Variants in LARP1 observed in about 807,000 individuals in gnomAD.
LARP1 encodes the protein La ribonucleoprotein 1, translational regulator, also known as la-related protein 1.
Under a neutral mutation model 122.7 loss-of-function variants are expected in LARP1, and 36 were observed. That is an observed-to-expected ratio of 0.29 (90% CI 0.22 to 0.39). The LOEUF is 0.39. LARP1 is among the 10% of genes least tolerant of loss of function. LARP1 has a pLI of 1.00. For synonymous variants in LARP1, 539 were observed against 528.7 expected, an observed-to-expected ratio of 1.02 and a Z score of -0.27; for missense variants, 1,040 against 1,403.6, an observed-to-expected ratio of 0.74 and a Z score of 4.14.
chr5:154,783,626 G>T (rs1228985408), intron 1 of LARP1, among the ~76,000 whole-genome samples: 1 of 152,078 alleles, frequency 6.6e-6, no homozygotes. Context: ...TGTTATCTTG[G>T]CAAATAACCT....
intron 1 of LARP1, among the ~76,000 whole-genome samples, chr5:154,789,665 AAAT>A (rs1392810631): frequency 1.3e-5 from 2 of 152,210 alleles, no homozygotes; most frequent in Non-Finnish European, 2.9e-5. Flanking sequence ...TTGAAGTTAT[AAAT>A]AATATTTTAG....
intron 1 of LARP1, among the ~76,000 whole-genome samples, chr5:154,762,161 C>G (rs1463952067): frequency 6.6e-6 from 1 of 152,042 alleles, no homozygotes; most frequent in Non-Finnish European, 1.5e-5. Flanking sequence ...GAGAATTGCT[C>G]GAACCGGGGA....
rs1272303852 is a variant in LARP1, at chr5:154,796,157, A to T, written c.1377+838A>T. ...TTATATATTTATATATTATATATAT[A>T]TTTTATGTATTTATATATTATATAT... is the stretch of plus-strand genomic sequence containing the variant. On this transcript the variant is annotated intron_variant, in intron 8 of 18. Transcript: ENST00000518297. 9.3e-5 allele frequency among the ~76,000 whole-genome samples: 11 copies of T among 118,784 alleles called. No individual in the cohort carries two copies. In the South Asian group the frequency reaches 1.9e-3, roughly 20 times the overall value. The allele number at this position is 118,784 out of a possible 152,430, so 77.9% of individuals were successfully genotyped here.
At chr5:154,713,052 G>A (rs781082989) in exon 1 of LARP1, 4 of 1,614,212 alleles carry the variant, frequency 2.5e-6, no homozygotes, top group East Asian at 4.5e-5. Context: ...GGCCTTGGCA[G>A]CTGCCCCGAG....
intron 1 of LARP1, among the ~76,000 whole-genome samples, chr5:154,746,091 C>A (rs981942563): frequency 6.6e-6 from 1 of 152,226 alleles, no homozygotes; most frequent in African/African-American, 2.4e-5. Flanking sequence ...AGCCACCGCA[C>A]CTGGCCTAAA....
chr5:154,796,828 T>C (rs1757899995), intron 8 of LARP1, among the ~76,000 whole-genome samples: 1 of 152,240 alleles, frequency 6.6e-6, no homozygotes, highest in African/African-American at 2.4e-5. Flanking sequence ...ATGTTTGATC[T>C]TCCTCCCTTT....
At chr5:154,731,494 C>G (rs1756565162) in intron 1 of LARP1, among the ~76,000 whole-genome samples, 1 of 152,140 alleles carries the variant, frequency 6.6e-6, no homozygotes, top group Non-Finnish European at 1.5e-5. Context: ...AGAAGGAGCA[C>G]AGTACCTTTC....
At chr5:154,720,080 A>T (rs747044720) in intron 1 of LARP1, among the ~76,000 whole-genome samples, 4 of 152,030 alleles carry the variant, frequency 2.6e-5, no homozygotes, top group African/African-American at 9.7e-5. Context: ...AGTCCCAGCT[A>T]CTTGGGAGAC....
intron 3 of LARP1, among the ~76,000 whole-genome samples, chr5:154,790,941 C>T (rs1334833543): frequency 6.6e-6 from 1 of 151,822 alleles, no homozygotes; most frequent in African/African-American, 2.4e-5. Flanking sequence ...CCCCAGCCTC[C>T]CGAGTAGCTG....
Position 154,803,880 on chromosome 5 carries a change from G to A in LARP1, c.2439+135G>A. Reference sequence around the variant, plus strand: ...ACCTGCTCTGTGTTCTGAGGCTGGTGGGCTTACCTAGGATTAGGTAGCCAC... The same window carrying A: ...ACCTGCTCTGTGTTCTGAGGCTGGTAGGCTTACCTAGGATTAGGTAGCCAC... On this transcript the variant is annotated intron_variant, in intron 13 of 18. Coordinates refer to ENST00000518297, the MANE Select transcript of LARP1 (RefSeq NM_033551.3). The surrounding 1 kb of genome is among the most constrained non-coding windows in gnomAD (Gnocchi z 4.4). 1 of 969,758 alleles carries A rather than the reference G, an allele frequency of 1.0e-6. No individual in the cohort carries two copies. Among genetic ancestry groups the A allele is most frequent in the Non-Finnish European group, 1.6e-6 (1 of 641,306 alleles). The allele number at this position is 969,758 out of a possible 1,614,324, so 60.1% of individuals were successfully genotyped here. A position where few individuals can be genotyped will look rare whatever the true frequency, so the allele number is the denominator to read the frequency against.
Position 154,755,550 on chromosome 5 carries a change from C to A in LARP1, c.-208C>A. The A allele has an allele frequency of 1.0e-6, 1 of 987,186 alleles. No homozygotes were observed. Among genetic ancestry groups the A allele is most frequent in the Non-Finnish European group, 1.2e-6 (1 of 829,938 alleles). The allele number at this position is 987,186 out of a possible 1,614,324, so 61.2% of individuals were successfully genotyped here. ...GACTGCAGAGTGGGGGGCCTTCCTC[C>A]CCCCCCGCCCCGCTAGTGGGCCTCG... is the stretch of plus-strand genomic sequence containing the variant. On this transcript the variant is annotated 5_prime_UTR_variant, in exon 1 of 19. Coordinates refer to ENST00000518297, the MANE Select transcript of LARP1 (RefSeq NM_033551.3).
intron 8 of LARP1, 144 bp from the exon 9 acceptor site, chr5:154,799,447 C>T (rs1184771619): frequency 1.4e-5 from 11 of 767,072 alleles, no homozygotes; most frequent in East Asian, 5.0e-5. Context: ...ATCTACCAGT[C>T]GTGGAAGATG....
chr5:154,697,950 C>G (rs1273553181), intron 1 of LARP1, among the ~76,000 whole-genome samples: 1 of 152,046 alleles, frequency 6.6e-6, no homozygotes, highest in Non-Finnish European at 1.5e-5. Flanking sequence ...CTCAGTCTCC[C>G]AAGTAGCTGA....
At chr5:154,717,595 C>T (rs1755588079) in intron 1 of LARP1, among the ~76,000 whole-genome samples, 1 of 152,200 alleles carries the variant, frequency 6.6e-6, no homozygotes, top group South Asian at 2.1e-4. Context: ...TATTCACTCT[C>T]TGTCACCATC....
At chr5:154,747,894 T>A (rs1252700218) in intron 1 of LARP1, among the ~76,000 whole-genome samples, 1 of 152,096 alleles carries the variant, frequency 6.6e-6, no homozygotes, top group Non-Finnish European at 1.5e-5. Flanking sequence ...TCTCCCTTTG[T>A]CACCCAGGTT....
intron 1 of LARP1, among the ~76,000 whole-genome samples, chr5:154,697,345 ATCCTG>A (rs2113231662): frequency 6.6e-6 from 1 of 152,052 alleles, no homozygotes; most frequent in Non-Finnish European, 1.5e-5. Flanking sequence ...CCTTTCACAC[ATCCTG>A]TCAGCATAAG....
At chr5:154,763,661 T>G (rs1299025188) in intron 1 of LARP1, among the ~76,000 whole-genome samples, 1 of 148,832 alleles carries the variant, frequency 6.7e-6, no homozygotes, top group Non-Finnish European at 1.5e-5. Flanking sequence ...GTAAATGTCT[T>G]TTTGTGACCC....
intron 18 of LARP1, among the ~76,000 whole-genome samples, chr5:154,812,917 G>A (rs1323940465): frequency 6.6e-6 from 1 of 152,080 alleles, no homozygotes. Flanking sequence ...ATCTCCACCT[G>A]GTCCCTCCCG....
intron 1 of LARP1, among the ~76,000 whole-genome samples, chr5:154,771,333 C>T (rs1397723249): frequency 6.6e-6 from 1 of 152,198 alleles, no homozygotes; most frequent in Non-Finnish European, 1.5e-5. Flanking sequence ...CTACCACACA[C>T]TCCTATTCAC....
Sources: allele counts gnomAD v4.1 joint callset (sites outside exome capture counted in the v4.1 genomes callset), GRCh38; gene constraint gnomAD v4.1.1; non-coding constraint Gnocchi (gnomAD v3.1); transcripts MANE v1.5; gene names NCBI Gene and HGNC (gene_info 2026-07-23, HGNC 2026-07-21).